The following RBM28 variants were observed in gnomAD, a reference collection of about 807,000 sequenced individuals.
The protein encoded by RBM28 is RNA-binding protein 28.
Under a neutral mutation model 98.3 loss-of-function variants are expected in RBM28, and 78 were observed. That is an observed-to-expected ratio of 0.79 (90% CI 0.66 to 0.96). The LOEUF (loss-of-function observed/expected upper bound fraction) is 0.96. Among genes scored for constraint, RBM28 ranks in the 40% least tolerant of loss-of-function variants. The pLI is 0.00. For missense variants in RBM28, 838 were observed against 913.0 expected, an observed-to-expected ratio of 0.92 and a Z score of 1.06; for synonymous variants, 306 against 330.9, an observed-to-expected ratio of 0.92 and a Z score of 0.82.
rs531864475 is a variant in RBM28, at chr7:128,303,154, T to C, written c.*7643A>G. ...CACCTAATTTGGAAAAGAGAAACTA[T>C]TTTTTTAATCCCAAAAACATTTGGT... On this transcript the variant is annotated 3_prime_UTR_variant, in exon 19 of 19. Transcript: ENST00000223073. The C allele has an allele frequency of 1.4e-4, 21 of 152,294 alleles. No individual in the cohort carries two copies. The highest frequency in any genetic ancestry group is 3.4e-3 in the Middle Eastern group (1 of 294). 9.4% of individuals were successfully genotyped at this position (152,294 alleles called of 1,614,324 possible).
chr7:128,329,805 C>A (rs1420341593), intron 10 of RBM28, among the ~76,000 whole-genome samples: 1 of 140,586 alleles, frequency 7.1e-6, no homozygotes, highest in Non-Finnish European at 1.5e-5. Flanking sequence ...AGGAGAATGG[C>A]GTGAACCCAG....
intron 18 of RBM28, 61 bp from the exon 19 acceptor site, chr7:128,310,992 C>CTG (rs1795971814): frequency 6.5e-7 from 1 of 1,533,518 alleles, no homozygotes; most frequent in Non-Finnish European, 9.0e-7. Context: ...TATCACCTTA[C>CTG]CCTCAGGCCA....
At position 128,333,706 on chromosome 7, in the gene RBM28, G is replaced by A. The variant is rs544506567; in HGVS notation, c.947-344C>T. 4.6e-5 allele frequency among the ~76,000 whole-genome samples: 7 copies of A among 152,020 alleles called. No individual in the cohort carries two copies. The South Asian group carries it at 6.2e-4, about 14-fold the overall frequency. On this transcript the variant is annotated intron_variant, in intron 8 of 18. Transcript: ENST00000223073. ...GCACTCCAGCCACGGTGACAAGAGCGAAACAAAGTCTCAAAAAAAATAAAT... is the reference window on the plus strand; with the variant it reads ...GCACTCCAGCCACGGTGACAAGAGCAAAACAAAGTCTCAAAAAAAATAAAT...
chr7:128,315,782 ACT>A (rs1410214780), intron 16 of RBM28, among the ~76,000 whole-genome samples: 1 of 152,244 alleles, frequency 6.6e-6, no homozygotes, highest in Non-Finnish European at 1.5e-5. Flanking sequence ...GAAAAGACTT[ACT>A]CAGACAAAAG....
At chr7:128,317,555 A>G in intron 16 of RBM28, 104 bp downstream of exon 16, 1 of 923,600 alleles carries the variant, frequency 1.1e-6, no homozygotes, top group South Asian at 1.4e-5. Context: ...TAGGAGCAAA[A>G]AAACCTAACT....
At chr7:128,343,566 C>A in intron 1 of RBM28, 110 bp downstream of exon 1, 1 of 741,480 alleles carries the variant, frequency 1.3e-6, no homozygotes, top group Non-Finnish European at 2.2e-6. Flanking sequence ...ACTCAGTTCC[C>A]TGTCCCTTCT....
rs1447087024 is a variant in RBM28, at chr7:128,343,821, G to A, written c.-28C>T. On this transcript the variant is annotated 5_prime_UTR_variant, in exon 1 of 19. Coordinates refer to ENST00000223073, the MANE Select transcript of RBM28 (RefSeq NM_018077.3). ...GACCGGGAAACCCAAAGCGCGTGAGGACGCGAGCAAACTAGGCCGGCGCAC... is the reference window on the plus strand; with the variant it reads ...GACCGGGAAACCCAAAGCGCGTGAGAACGCGAGCAAACTAGGCCGGCGCAC... 3.9e-6 allele frequency: 6 copies of A among 1,532,286 alleles called. No homozygotes were observed. The highest frequency in any genetic ancestry group is 4.4e-6 in the Non-Finnish European group (5 of 1,129,342). The allele number at this position is 1,532,286 out of a possible 1,614,324, so 94.9% of individuals were successfully genotyped here.
rs10458295 is a variant in RBM28 at position 128,334,969 on chromosome 7, G to A, written c.946+574C>T. ...GCAAGCACATAGCGAGAAGGCAGCA[G>A]TCTGCAAGCTAGGAAGAGAGCTGCA... On this transcript the variant is annotated intron_variant, in intron 8 of 18. Coordinates refer to ENST00000223073, the MANE Select transcript of RBM28 (RefSeq NM_018077.3). Among the ~76,000 whole-genome samples the A allele has an allele frequency of 6.0e-3, 915 of 152,316 alleles. 3 individuals carry two copies. Among genetic ancestry groups the A allele is most frequent in the Non-Finnish European group, 0.01 (710 of 68,018 alleles).
chr7:128,325,200 A>C (rs775774652), intron 11 of RBM28, among the ~76,000 whole-genome samples: 1 of 152,184 alleles, frequency 6.6e-6, no homozygotes, highest in Non-Finnish European at 1.5e-5. Flanking sequence ...CACAATATTT[A>C]GTATAGCTGT....
intron 17 of RBM28, among the ~76,000 whole-genome samples, chr7:128,314,256 C>T (rs1277706232): frequency 6.6e-6 from 1 of 152,198 alleles, no homozygotes; most frequent in African/African-American, 2.4e-5. Flanking sequence ...GCCACCGCGC[C>T]CAGCCAAGCC....
chr7:128,316,052 G>A (rs1037180534), intron 16 of RBM28, among the ~76,000 whole-genome samples: 34 of 126,516 alleles, frequency 2.7e-4, no homozygotes, highest in African/African-American at 7.2e-4. Context: ...ATAAGTGTGT[G>A]TTGTTCTTCC....
Position 128,310,556 on chromosome 7 carries a change from T to C in RBM28, c.*241A>G, listed in dbSNP as rs1334808365. The C allele has an allele frequency of 7.2e-6, 4 of 554,760 alleles. No individual in the cohort carries two copies. The highest frequency in any genetic ancestry group is 6.3e-5 in the Admixed American group (2 of 31,928). 34.4% of individuals were successfully genotyped at this position (554,760 alleles called of 1,614,324 possible). On this transcript the variant is annotated 3_prime_UTR_variant, in exon 19 of 19. Transcript: ENST00000223073. ...TTATAGACACAACTTCATACAATAA[T>C]CTGGATAATATGCAAGAAGCATCAT...
Position 128,305,338 on chromosome 7 carries a change from A to C in RBM28, c.*5459T>G, listed in dbSNP as rs552256002. ...TTTTCTGCAGTAGTATCCAAAGCAA[A>C]AATTTCATCAGAAGGATGGCATTGG... On this transcript the variant is annotated 3_prime_UTR_variant, in exon 19 of 19. Transcript: ENST00000223073. 1 of 152,312 alleles carries C rather than the reference A, an allele frequency of 6.6e-6. No homozygotes were observed. The highest frequency in any genetic ancestry group is 1.9e-4 in the East Asian group (1 of 5,182). 9.4% of individuals were successfully genotyped at this position (152,312 alleles called of 1,614,324 possible). A position where few individuals can be genotyped will look rare whatever the true frequency, so the allele number is the denominator to read the frequency against.
At chr7:128,311,568 A>G (rs1795986339) in intron 18 of RBM28, among the ~76,000 whole-genome samples, 1 of 152,218 alleles carries the variant, frequency 6.6e-6, no homozygotes, top group African/African-American at 2.4e-5. Context: ...AAGCAAGGAT[A>G]CTACCAGACA....
chr7:128,325,787 T>C, intron 11 of RBM28, 31 bp downstream of exon 11: 1 of 1,553,056 alleles, frequency 6.4e-7, no homozygotes. Context: ...CTGCCTCCTG[T>C]GTTATAAGGT....
In RBM28 at chr7:128,298,410, T is replaced by A. The variant is rs1376618712; in HGVS notation, c.*12387A>T. The A allele has an allele frequency of 6.6e-6, 1 of 152,164 alleles. No individual in the cohort carries two copies. Among genetic ancestry groups the A allele is most frequent in the East Asian group, 1.9e-4 (1 of 5,194 alleles). 9.4% of individuals were successfully genotyped at this position (152,164 alleles called of 1,614,324 possible). Reference sequence around the variant, plus strand: ...GCTGTTAAAATTCCTCTCTTTGTACTATTTCTCTTTATTTCTCAGTCGGCC... The same window carrying A: ...GCTGTTAAAATTCCTCTCTTTGTACAATTTCTCTTTATTTCTCAGTCGGCC... On this transcript the variant is annotated 3_prime_UTR_variant, in exon 19 of 19. Coordinates refer to ENST00000223073, the MANE Select transcript of RBM28 (RefSeq NM_018077.3).
rs1156672162 is a variant in RBM28 at position 128,303,277 on chromosome 7, C to A, written c.*7520G>T. The A allele has an allele frequency of 6.6e-6, 1 of 152,252 alleles. No individual in the cohort carries two copies. The highest frequency in any genetic ancestry group is 1.5e-5 in the Non-Finnish European group (1 of 68,086). The allele number at this position is 152,252 out of a possible 1,614,324, so 9.4% of individuals were successfully genotyped here. A position where few individuals can be genotyped will look rare whatever the true frequency, so the allele number is the denominator to read the frequency against. ...GGCCAAGTGGGACCTTGCTCTGGTA[C>A]TAGCTCAGGTGGCCAAGGGGTTTCA... On this transcript the variant is annotated 3_prime_UTR_variant, in exon 19 of 19. Coordinates refer to ENST00000223073, the MANE Select transcript of RBM28 (RefSeq NM_018077.3).
intron 5 of RBM28, among the ~76,000 whole-genome samples, chr7:128,337,739 G>A (rs1441734581): frequency 1.3e-5 from 2 of 152,018 alleles, no homozygotes; most frequent in African/African-American, 2.4e-5. Flanking sequence ...TGTATTTTCA[G>A]TAGAGACGGG....
At chr7:128,340,914 T>A (rs764662015) in intron 1 of RBM28, among the ~76,000 whole-genome samples, 2 of 152,352 alleles carry the variant, frequency 1.3e-5, no homozygotes, top group East Asian at 3.9e-4. Flanking sequence ...AGGGTGTTAG[T>A]AGCTGAATTA....
Sources: allele counts gnomAD v4.1 joint callset (sites outside exome capture counted in the v4.1 genomes callset), GRCh38; gene constraint gnomAD v4.1.1; transcripts MANE v1.5; gene names NCBI Gene and HGNC (gene_info 2026-07-23, HGNC 2026-07-21).